Variants in DOCK5 observed in about 807,000 individuals in gnomAD.
DOCK5 encodes dedicator of cytokinesis protein 5.
In DOCK5, 142 loss-of-function variants were observed where a neutral mutation model predicts 251.8. That is an observed-to-expected ratio of 0.56 (90% CI 0.49 to 0.65). The LOEUF is 0.65. Among genes scored for constraint, DOCK5 ranks in the 30% least tolerant of loss-of-function variants. The pLI is 0.00. For synonymous variants in DOCK5, 842 were observed against 835.5 expected (o/e 1.01, Z -0.13); for missense variants, 2,111 against 2,312.3 (o/e 0.91, Z 1.79).
chr8:25,225,062 T>A (rs1802495250), intron 1 of DOCK5, among the ~76,000 whole-genome samples: 1 of 152,218 alleles, frequency 6.6e-6, no homozygotes, highest in African/African-American at 2.4e-5. Flanking sequence ...TCCATTAGAA[T>A]GGCTGTTATC....
At chr8:25,311,927 A>T (rs1399486071) in intron 13 of DOCK5, among the ~76,000 whole-genome samples, 1 of 152,136 alleles carries the variant, frequency 6.6e-6, no homozygotes, top group East Asian at 1.9e-4. Context: ...GCCTCCAAAA[A>T]AAAAAAAAAA....
intron 37 of DOCK5, 115 bp from the exon 38 acceptor site, chr8:25,377,190 A>G: frequency 7.3e-7 from 1 of 1,365,862 alleles, no homozygotes; most frequent in Non-Finnish European, 9.6e-7. Flanking sequence ...TTTTGTGTTT[A>G]ATACATAATC....
chr8:25,409,853 C>A, intron 50 of DOCK5: 1 of 354,086 alleles, frequency 2.8e-6, no homozygotes, highest in Non-Finnish European at 5.2e-6. Flanking sequence ...CTCAAAAAAA[C>A]AAAAATAAAA....
chr8:25,398,088 G>C (rs894016127), intron 45 of DOCK5, among the ~76,000 whole-genome samples: 2 of 152,192 alleles, frequency 1.3e-5, no homozygotes, highest in Non-Finnish European at 2.9e-5. Context: ...CACAGGAGCT[G>C]TGTGCTGTAA....
At chr8:25,274,138 A>G (rs998393720) in intron 3 of DOCK5, among the ~76,000 whole-genome samples, 1 of 152,198 alleles carries the variant, frequency 6.6e-6, no homozygotes, top group Non-Finnish European at 1.5e-5. Context: ...TGTACAGACA[A>G]ATATAGCACA....
intron 1 of DOCK5, among the ~76,000 whole-genome samples, chr8:25,197,768 T>TTTTTTTGG (rs1563304515): frequency 2.7e-5 from 4 of 148,168 alleles, no homozygotes; most frequent in Non-Finnish European, 4.5e-5. Flanking sequence ...TTTTTTTTTT[T>TTTTTTTGG]GAGACGGAGT....
At chr8:25,185,065 C>A (rs1801398073) in intron 1 of DOCK5, 114 bp downstream of exon 1, 4 of 1,165,598 alleles carry the variant, frequency 3.4e-6, no homozygotes, top group Non-Finnish European at 4.4e-6. Context: ...GGGCTCGGCC[C>A]GGCTGCGCAG....
chr8:25,351,025 C>T (rs1800457725), intron 26 of DOCK5, among the ~76,000 whole-genome samples: 1 of 152,042 alleles, frequency 6.6e-6, no homozygotes, highest in Non-Finnish European at 1.5e-5. Flanking sequence ...CACACATGTG[C>T]CTAATTGACC....
At chr8:25,208,660 C>T (rs1802058680) in intron 1 of DOCK5, among the ~76,000 whole-genome samples, 1 of 152,194 alleles carries the variant, frequency 6.6e-6, no homozygotes, top group Non-Finnish European at 1.5e-5. Flanking sequence ...ACTTAATTGA[C>T]TGTAGTGTAA....
Position 25,239,325 on chromosome 8 carries a change from GTGTGTGTGTGTGTGTA to G in DOCK5, c.44-4333_44-4318del, listed in dbSNP as rs1174275147. Among the ~76,000 whole-genome samples, 624 of 129,838 alleles carry G rather than the reference GTGTGTGTGTGTGTGTA, an allele frequency of 4.8e-3. 2 individuals carry two copies. Among genetic ancestry groups the G allele is most frequent in the African/African-American group, 0.018 (596 of 33,270 alleles). 85.2% of individuals were successfully genotyped at this position (129,838 alleles called of 152,430 possible). ...CTTTGGTGTGTGCGTGTATATGTGTGTGTGTGTGTGTGTGTATGTGTGTGTGTGTGTGTGTGTGTGT... is the reference window on the plus strand; with the variant it reads ...CTTTGGTGTGTGCGTGTATATGTGTGTGTGTGTGTGTGTGTGTGTGTGTGT... On this transcript the variant is annotated intron_variant, in intron 1 of 51. Coordinates refer to ENST00000276440, the MANE Select transcript of DOCK5 (RefSeq NM_024940.8).
At chr8:25,297,046 A>G (rs770843008) in intron 7 of DOCK5, among the ~76,000 whole-genome samples, 2 of 152,078 alleles carry the variant, frequency 1.3e-5, no homozygotes, top group South Asian at 2.1e-4. Flanking sequence ...TCTTGCATTC[A>G]TTGCATATAT....
intron 18 of DOCK5, among the ~76,000 whole-genome samples, chr8:25,328,549 G>A (rs1170807521): frequency 6.6e-6 from 1 of 152,170 alleles, no homozygotes; most frequent in Non-Finnish European, 1.5e-5. Flanking sequence ...TTCTGTGAGG[G>A]TGTTGACTGA....
At chr8:25,227,006 G>C (rs1802550667) in intron 1 of DOCK5, among the ~76,000 whole-genome samples, 1 of 152,092 alleles carries the variant, frequency 6.6e-6, no homozygotes, top group Admixed American at 6.6e-5. Context: ...TTTATTTCAC[G>C]TTTCCTTTTT....
intron 13 of DOCK5, 144 bp from the exon 14 acceptor site, chr8:25,316,863 G>A (rs1169832578): frequency 9.6e-6 from 9 of 933,358 alleles, no homozygotes; most frequent in Admixed American, 8.4e-5. Context: ...GACAGCAAAC[G>A]CATATGAAAG....
chr8:25,305,671 TG>T (rs1804898985), intron 11 of DOCK5, among the ~76,000 whole-genome samples: 1 of 152,196 alleles, frequency 6.6e-6, no homozygotes, highest in Non-Finnish European at 1.5e-5. Context: ...ACAGAAATGG[TG>T]TTGTACATTT....
chr8:25,300,702 G>C, intron 9 of DOCK5, 45 bp downstream of exon 9: 1 of 1,526,276 alleles, frequency 6.6e-7, no homozygotes, highest in Non-Finnish European at 9.0e-7. Flanking sequence ...TTTGTGATAT[G>C]AGCATATTCA....
At chr8:25,306,489 A>C (rs1426348315) in intron 11 of DOCK5, among the ~76,000 whole-genome samples, 2 of 152,056 alleles carry the variant, frequency 1.3e-5, no homozygotes, top group Admixed American at 1.3e-4. Flanking sequence ...GGCAGATCAC[A>C]AGGTCAGGAG....
chr8:25,369,377 T>G (rs951297289), intron 33 of DOCK5, among the ~76,000 whole-genome samples, 179 bp from the exon 34 acceptor site: 1 of 152,238 alleles, frequency 6.6e-6, no homozygotes, highest in African/African-American at 2.4e-5. Flanking sequence ...CATGAGACTT[T>G]GTTAGAAGAT....
At chr8:25,269,280 C>T (rs1226702418) in intron 3 of DOCK5, among the ~76,000 whole-genome samples, 4 of 152,160 alleles carry the variant, frequency 2.6e-5, no homozygotes, top group Admixed American at 2.6e-4. Flanking sequence ...TCCACTTGAT[C>T]CTTTCCTTCA....
Sources: allele counts gnomAD v4.1 joint callset (sites outside exome capture counted in the v4.1 genomes callset), GRCh38; gene constraint gnomAD v4.1.1; transcripts MANE v1.5; gene names NCBI Gene and HGNC (gene_info 2026-07-23, HGNC 2026-07-21).